MYO18A: variants seen among roughly 807,000 people sequenced by gnomAD.
The protein encoded by MYO18A is myosin XVIIIA.
A neutral mutation model predicts 235.8 loss-of-function variants in MYO18A; 78 were observed. The observed-to-expected ratio is 0.33, with a 90% CI of 0.28 to 0.40. The LOEUF (loss-of-function observed/expected upper bound fraction) is 0.40. Ranked by LOEUF, MYO18A falls within the 10% of genes least tolerant of loss-of-function variation. MYO18A has a pLI of 1.00. For missense variants in MYO18A, 2,215 were observed against 2,699.3 expected (o/e 0.82, Z 3.98); for synonymous variants, 977 against 1,077.8 (o/e 0.91, Z 1.83).
At chr17:29,171,558 T>C (rs1318386491) in intron 1 of MYO18A, among the ~76,000 whole-genome samples, 1 of 152,194 alleles carries the variant, frequency 6.6e-6, no homozygotes, top group Non-Finnish European at 1.5e-5. Flanking sequence ...GGGCGAAATA[T>C]ACTGATGTCT....
chr17:29,149,364 T>A (rs550326272), intron 2 of MYO18A, among the ~76,000 whole-genome samples: 85 of 152,332 alleles, frequency 5.6e-4, no homozygotes, highest in African/African-American at 1.9e-3. Context: ...GGAAAGCCTG[T>A]TCTAGAGAGG....
rs1708077009 is a variant in MYO18A at position 29,120,175 on chromosome 17, C to T, written c.1728+441G>A. Among the ~76,000 whole-genome samples the T allele has an allele frequency of 3.9e-5, 6 of 152,230 alleles. 1 individual carries two copies. In the South Asian group the frequency reaches 1.2e-3, roughly 31 times the overall value. On this transcript the variant is annotated intron_variant, in intron 7 of 41. Transcript: ENST00000527372. This position sits in a 1 kb window ranked among gnomAD's most constrained non-coding sequence, Gnocchi z 4.2. The stretch of plus-strand genomic sequence containing the variant: ...TCCCAAAGGGGCCCTGCTGCTCTGC[C>T]CAGACCCCAGGTGCCTGCCTTCTGG...
chr17:29,095,444 ACT>A (rs1162103728), intron 28 of MYO18A, among the ~76,000 whole-genome samples: 1 of 152,002 alleles, frequency 6.6e-6, no homozygotes, highest in Non-Finnish European at 1.5e-5. Context: ...GCTTCCACTA[ACT>A]CACTTTCCAC....
chr17:29,133,863 G>A (rs2067533156), intron 2 of MYO18A: 3 of 1,289,204 alleles, frequency 2.3e-6, no homozygotes, highest in Non-Finnish European at 1.0e-6. Flanking sequence ...TGTGCCCTGG[G>A]TCAGAGAAGA....
In MYO18A at chr17:29,094,856, G is replaced by A. The variant is rs1435804887; in HGVS notation, c.4510-6C>T. 4 of 1,613,928 alleles carry A rather than the reference G, an allele frequency of 2.5e-6. No individual in the cohort carries two copies. The highest frequency in any genetic ancestry group is 3.4e-6 in the Non-Finnish European group (4 of 1,179,904). On this transcript the variant is annotated splice_region_variant and splice_polypyrimidine_tract_variant and intron_variant, in intron 29 of 41. Coordinates refer to ENST00000527372, the MANE Select transcript of MYO18A (RefSeq NM_078471.4). The stretch of plus-strand genomic sequence containing the variant: ...GCAATGTCCATGTCTTTTTCCTGGA[G>A]CAAAAGAGATGAGGCTGGTGCAGGG...
chr17:29,093,929 G>T, intron 31 of MYO18A, 51 bp downstream of exon 31: 1 of 1,350,964 alleles, frequency 7.4e-7, no homozygotes. Context: ...CTTTAAAGCG[G>T]TGATGGGAAC....
At position 29,087,032 on chromosome 17, in the gene MYO18A, C is replaced by T. The variant is rs994260998; in HGVS notation, c.5616G>A (p.Gln1872=). The stretch of plus-strand genomic sequence containing the variant: ...GGAGCTGCCTCTGTAGCCGCTTGTT[C>T]TGTTCCTTCTCCCGGTTCTCGGCTG... ...RIAAENREKE[Q]NKRLQRQLRD... Residue 1872 remains glutamine, a synonymous_variant, in exon 38 of 42, where the codon CAG becomes CAA. Coordinates refer to ENST00000527372, the MANE Select transcript of MYO18A (RefSeq NM_078471.4). 15 of 1,614,042 alleles carry T rather than the reference C, an allele frequency of 9.3e-6. No individual in the cohort carries two copies. The highest frequency in any genetic ancestry group is 1.0e-5 in the Non-Finnish European group (12 of 1,179,896).
rs917423278 is a variant in MYO18A, at chr17:29,071,267, G to T, written c.*3503C>A. 6.6e-6 allele frequency: 1 copy of T among 152,290 alleles called. No homozygotes were observed. Among genetic ancestry groups the T allele is most frequent in the Non-Finnish European group, 1.5e-5 (1 of 68,090 alleles). 9.4% of individuals were successfully genotyped at this position (152,290 alleles called of 1,614,324 possible). A position where few individuals can be genotyped will look rare whatever the true frequency, so the allele number is the denominator to read the frequency against. ...GCAGTTATAGAGGAGGATCTAGCAG[G>T]CTGGCTTTGAGCCTGGCAAAGGGCC... On this transcript the variant is annotated 3_prime_UTR_variant, in exon 42 of 42. Coordinates refer to ENST00000527372, the MANE Select transcript of MYO18A (RefSeq NM_078471.4).
chr17:29,095,184 G>T, intron 28 of MYO18A, 125 bp from the exon 29 acceptor site: 2 of 1,343,228 alleles, frequency 1.5e-6, no homozygotes, highest in Non-Finnish European at 2.0e-6. Flanking sequence ...CAGCCCTAAC[G>T]TGGGGCCAGT....
intron 2 of MYO18A, among the ~76,000 whole-genome samples, chr17:29,165,228 C>A (rs1305148709): frequency 6.6e-6 from 1 of 152,096 alleles, no homozygotes; most frequent in Non-Finnish European, 1.5e-5. Flanking sequence ...CCATGACGGC[C>A]CTAATTTGAA....
At chr17:29,149,156 G>C (rs2067916467) in intron 2 of MYO18A, among the ~76,000 whole-genome samples, 2 of 152,252 alleles carry the variant, frequency 1.3e-5, no homozygotes, top group Admixed American at 1.3e-4. Context: ...CGAGGGGGCT[G>C]CGGCGGCAAG....
chr17:29,110,669 G>A (rs2066907777), intron 17 of MYO18A, 47 bp from the exon 18 acceptor site: 1 of 1,555,440 alleles, frequency 6.4e-7, no homozygotes, highest in African/African-American at 1.4e-5. Context: ...CACATCGATG[G>A]AGCGGGAAAG....
In MYO18A at chr17:29,140,223, C is replaced by T; in HGVS notation, c.1000-17970G>A. The T allele has an allele frequency of 1.4e-6, 1 of 694,400 alleles. No individual in the cohort carries two copies. Among genetic ancestry groups the T allele is most frequent in the Non-Finnish European group, 2.0e-6 (1 of 509,728 alleles). The allele number at this position is 694,400 out of a possible 1,614,324, so 43.0% of individuals were successfully genotyped here. On this transcript the variant is annotated intron_variant, in intron 2 of 41. Coordinates refer to ENST00000527372, the MANE Select transcript of MYO18A (RefSeq NM_078471.4). The surrounding 1 kb of genome is among the most constrained non-coding windows in gnomAD (Gnocchi z 4.2). ...GCCCCAAGGCTGCCCCACCCCTCTC[C>T]CCACCTACTTCAGCCACATCTGGGG...
Position 29,111,657 on chromosome 17 carries a change from T to C in MYO18A, c.2740+65A>G. The C allele has an allele frequency of 1.2e-6, 2 of 1,609,872 alleles. No individual in the cohort carries two copies. Among genetic ancestry groups the C allele is most frequent in the Non-Finnish European group, 8.5e-7 (1 of 1,177,430 alleles). ...GTGACCCCCGCCCCCTCCCAGGGAG[T>C]GCCACCTGGACCCACCTGTATGTAA... On this transcript the variant is annotated intron_variant, in intron 16 of 41. Coordinates refer to ENST00000527372, the MANE Select transcript of MYO18A (RefSeq NM_078471.4). This position sits in a 1 kb window ranked among gnomAD's most constrained non-coding sequence, Gnocchi z 5.1.
rs1273735277 is a variant in MYO18A, at chr17:29,117,288, A to G, written c.2038+757T>C. On this transcript the variant is annotated intron_variant, in intron 10 of 41. Coordinates refer to ENST00000527372, the MANE Select transcript of MYO18A (RefSeq NM_078471.4). The surrounding 1 kb of genome is among the most constrained non-coding windows in gnomAD (Gnocchi z 4.6). The stretch of plus-strand genomic sequence containing the variant: ...CCCCGAGCGCAAGTGCCAAAGCTGC[A>G]GCCCATTCGTTACCACGGTGCCTGC... 6.6e-6 allele frequency among the ~76,000 whole-genome samples: 1 copy of G among 152,214 alleles called. No homozygotes were observed. The highest frequency in any genetic ancestry group is 2.4e-5 in the African/African-American group (1 of 41,454).
In MYO18A at chr17:29,166,110, C is replaced by T. The variant is rs542181048; in HGVS notation, c.831G>A (p.Val277=). Residue 277 remains valine (V), a synonymous_variant, in exon 2 of 42, where the codon GTG becomes GTA. Coordinates refer to ENST00000527372, the MANE Select transcript of MYO18A (RefSeq NM_078471.4). ...ALGLVPGDRL[V]EINGHNVESK... ...TCTCCACATTGTGCCCATTAATCTC[C>T]ACCAGTCGATCTCCTGGCACCAGCC... is the stretch of plus-strand genomic sequence containing the variant. 1.2e-5 allele frequency: 19 copies of T among 1,613,478 alleles called. No homozygotes were observed. In the African/African-American group the frequency reaches 1.5e-4, roughly 12 times the overall value.
intron 34 of MYO18A, 106 bp downstream of exon 34, chr17:29,092,237 A>G: frequency 1.3e-6 from 1 of 783,940 alleles, no homozygotes; most frequent in Non-Finnish European, 2.1e-6. Context: ...AGGACCTGTC[A>G]CAAGTCCTGA....
rs950858225 is a variant in MYO18A, at chr17:29,140,318, G to T, written c.1000-18065C>A. On this transcript the variant is annotated intron_variant, in intron 2 of 41. Coordinates refer to ENST00000527372, the MANE Select transcript of MYO18A (RefSeq NM_078471.4). This position sits in a 1 kb window ranked among gnomAD's most constrained non-coding sequence, Gnocchi z 4.2. ...GAGGAGCCTGGGACATTTCCGGGGT[G>T]GGGGGTCAGAGGGACACTCACCCGC... is the stretch of plus-strand genomic sequence containing the variant. 1 of 1,230,120 alleles carries T rather than the reference G, an allele frequency of 8.1e-7. No homozygotes were observed. The highest frequency in any genetic ancestry group is 3.1e-5 in the Admixed American group (1 of 32,246). The allele number at this position is 1,230,120 out of a possible 1,614,324, so 76.2% of individuals were successfully genotyped here. A position where few individuals can be genotyped will look rare whatever the true frequency, so the allele number is the denominator to read the frequency against.
chr17:29,131,777 C>A (rs768866274), intron 2 of MYO18A, among the ~76,000 whole-genome samples: 4 of 152,222 alleles, frequency 2.6e-5, no homozygotes, highest in Non-Finnish European at 4.4e-5. Context: ...GAAGATCCAG[C>A]TAATTTAACT....
Sources: allele counts gnomAD v4.1 joint callset (sites outside exome capture counted in the v4.1 genomes callset), GRCh38; gene constraint gnomAD v4.1.1; non-coding constraint Gnocchi (gnomAD v3.1); transcripts MANE v1.5; gene names NCBI Gene and HGNC (gene_info 2026-07-23, HGNC 2026-07-21).